Variants in TXNL4A observed in about 807,000 individuals in gnomAD.
TXNL4A encodes thioredoxin like 4A.
A neutral mutation model predicts 14.6 loss-of-function variants in TXNL4A; 17 were observed. The observed-to-expected ratio is 1.16, with a 90% confidence interval of 0.80 to 1.74. The LOEUF (loss-of-function observed/expected upper bound fraction) is 1.74. Among genes scored for constraint, TXNL4A ranks in the 40% most tolerant of loss-of-function variants. The pLI is 0.00. For synonymous variants in TXNL4A, 83 were observed against 70.6 expected (o/e 1.18, Z -0.88); for missense variants, 74 against 195.2 (o/e 0.38, Z 3.70).
intron 1 of TXNL4A, among the ~76,000 whole-genome samples, chr18:80,002,072 G>A (rs1392286726): frequency 6.6e-6 from 1 of 152,132 alleles, no homozygotes; most frequent in Non-Finnish European, 1.5e-5. Context: ...ATTGAATTAG[G>A]GGGGCAGTTT....
chr18:80,006,929 G>A (rs528344969), intron 1 of TXNL4A, among the ~76,000 whole-genome samples: 6 of 152,210 alleles, frequency 3.9e-5, no homozygotes, highest in East Asian at 3.9e-4. Flanking sequence ...GTCTCTACGC[G>A]CCAGGCGCCA....
At chr18:79,987,264 A>G (rs1180538880) in intron 1 of TXNL4A, among the ~76,000 whole-genome samples, 1 of 152,258 alleles carries the variant, frequency 6.6e-6, no homozygotes, top group Non-Finnish European at 1.5e-5. Flanking sequence ...CTCCTACTAA[A>G]TAAGAAATAG....
intron 2 of TXNL4A, among the ~76,000 whole-genome samples, chr18:79,976,382 T>C (rs778721773): frequency 1.3e-5 from 2 of 152,224 alleles, no homozygotes; most frequent in Non-Finnish European, 2.9e-5. Flanking sequence ...TGTGCCGGCA[T>C]GCCAGTGCTG....
At chr18:80,026,064 T>A (rs2051882272) in intron 1 of TXNL4A, among the ~76,000 whole-genome samples, 1 of 152,158 alleles carries the variant, frequency 6.6e-6, no homozygotes, top group Non-Finnish European at 1.5e-5. Context: ...GCTGATTGCT[T>A]TGAAAATAAA....
intron 1 of TXNL4A, among the ~76,000 whole-genome samples, chr18:80,031,419 G>A (rs987958599): frequency 4.6e-5 from 7 of 152,298 alleles, no homozygotes; most frequent in Admixed American, 2.0e-4. Flanking sequence ...AGGGTGGTTG[G>A]GATGATGCTC....
intron 1 of TXNL4A, among the ~76,000 whole-genome samples, chr18:80,009,739 T>C (rs2051757647): frequency 6.6e-6 from 1 of 152,068 alleles, no homozygotes; most frequent in South Asian, 2.1e-4. Context: ...CGATTTGGGA[T>C]TTTTGGGGTT....
chr18:79,986,933 T>C (rs941816152), intron 1 of TXNL4A, among the ~76,000 whole-genome samples: 2 of 152,120 alleles, frequency 1.3e-5, no homozygotes, highest in Non-Finnish European at 2.9e-5. Context: ...TCATCTCTAA[T>C]CCCCGGCTGG....
intron 1 of TXNL4A, among the ~76,000 whole-genome samples, chr18:79,996,819 T>C (rs557251480): frequency 6.6e-6 from 1 of 152,314 alleles, no homozygotes; most frequent in African/African-American, 2.4e-5. Flanking sequence ...AGCGCATGCC[T>C]GTAATCCCAG....
At chr18:80,022,917 T>C (rs2051859387) in intron 1 of TXNL4A, among the ~76,000 whole-genome samples, 1 of 152,178 alleles carries the variant, frequency 6.6e-6, no homozygotes, top group Non-Finnish European at 1.5e-5. Context: ...CTTTCCACCC[T>C]GTTGGATTCT....
At chr18:80,018,287 C>T (rs1481684193) in intron 1 of TXNL4A, among the ~76,000 whole-genome samples, 6 of 152,060 alleles carry the variant, frequency 3.9e-5, no homozygotes, top group South Asian at 2.1e-4. Context: ...TTGAAACCAA[C>T]GAGAACAAAG....
At chr18:79,986,554 T>C (rs1367698141) in intron 1 of TXNL4A, 3 of 983,842 alleles carry the variant, frequency 3.0e-6, no homozygotes, top group Non-Finnish European at 3.6e-6. Flanking sequence ...AAATTGGACA[T>C]AAAGGAGTTG....
At chr18:80,031,404 C>T (rs2051920392) in intron 1 of TXNL4A, among the ~76,000 whole-genome samples, 1 of 152,184 alleles carries the variant, frequency 6.6e-6, no homozygotes, top group Admixed American at 6.5e-5. Flanking sequence ...GCTGTGGTCA[C>T]CTCCAGGGTG....
intron 1 of TXNL4A, among the ~76,000 whole-genome samples, chr18:80,009,686 G>A (rs1599746522): frequency 6.6e-6 from 1 of 152,270 alleles, no homozygotes; most frequent in East Asian, 1.9e-4. Context: ...CTTGCAAGAG[G>A]GCCAGGTCGG....
intron 1 of TXNL4A, 190 bp from the exon 2 acceptor site, chr18:79,977,891 C>T (rs1249057422): frequency 1.8e-6 from 1 of 566,396 alleles, no homozygotes; most frequent in East Asian, 2.9e-5. Context: ...GCAGCCTCGA[C>T]CTCCCAGGCT....
chr18:80,011,005 G>C lies in TXNL4A; in HGVS notation c.-61+22846C>G, dbSNP rs1350421596. 1.3e-5 allele frequency among the ~76,000 whole-genome samples: 2 copies of C among 151,994 alleles called. No homozygotes were observed. The highest frequency in any genetic ancestry group is 4.8e-5 in the African/African-American group (2 of 41,370). On this transcript the variant is annotated intron_variant, in intron 1 of 2. Transcript: ENST00000585474. This position sits in a 1 kb window ranked among gnomAD's most constrained non-coding sequence, Gnocchi z 4.1. Reference sequence around the variant, plus strand: ...TTCCTGCTGGAAAGGGGCATTGTGTGGGGGAAGAGCAGCTAGGGTTCCTCC... The same window carrying C: ...TTCCTGCTGGAAAGGGGCATTGTGTCGGGGAAGAGCAGCTAGGGTTCCTCC...
intron 1 of TXNL4A, among the ~76,000 whole-genome samples, chr18:80,001,393 A>C (rs1267942804): frequency 6.6e-6 from 1 of 152,198 alleles, no homozygotes; most frequent in Non-Finnish European, 1.5e-5. Flanking sequence ...AAGCCCCCAC[A>C]CAGAGTCCTC....
chr18:79,977,528 G>A (rs766568151), intron 2 of TXNL4A, 70 bp downstream of exon 2: 13 of 1,281,792 alleles, frequency 1.0e-5, no homozygotes, highest in African/African-American at 4.5e-5. Flanking sequence ...ATAATCTAAA[G>A]AGATCTTGAT....
chr18:80,031,239 G>C (rs933637224), intron 1 of TXNL4A, among the ~76,000 whole-genome samples: 1 of 152,248 alleles, frequency 6.6e-6, no homozygotes, highest in Non-Finnish European at 1.5e-5. Flanking sequence ...TGGCCAAACA[G>C]TAGGAAGATA....
At chr18:79,975,139 T>G (rs1235980877) in intron 2 of TXNL4A, among the ~76,000 whole-genome samples, 1 of 152,068 alleles carries the variant, frequency 6.6e-6, no homozygotes, top group African/African-American at 2.4e-5. Context: ...CTGACCTGGG[T>G]GTACTTCTTC....
Sources: allele counts gnomAD v4.1 joint callset (sites outside exome capture counted in the v4.1 genomes callset), GRCh38; gene constraint gnomAD v4.1.1; non-coding constraint Gnocchi (gnomAD v3.1); transcripts MANE v1.5; gene names NCBI Gene and HGNC (gene_info 2026-07-23, HGNC 2026-07-21).